Variants in MAN1A1 observed in about 807,000 individuals in gnomAD.
MAN1A1 encodes the protein mannosidase alpha class 1A member 1.
Under a neutral mutation model 70.8 loss-of-function variants are expected in MAN1A1, and 29 were observed. That is an observed-to-expected ratio of 0.41 (90% confidence interval 0.31 to 0.56). The LOEUF (loss-of-function observed/expected upper bound fraction) is 0.56. Among genes scored for constraint, MAN1A1 ranks in the 20% least tolerant of loss-of-function variants. The pLI is 0.29. For synonymous variants in MAN1A1, 349 were observed against 330.1 expected, an observed-to-expected ratio of 1.06 and a Z score of -0.62; for missense variants, 747 against 841.3, an observed-to-expected ratio of 0.89 and a Z score of 1.39.
intron 6 of MAN1A1, among the ~76,000 whole-genome samples, chr6:119,217,729 G>C (rs1393029656): frequency 6.6e-6 from 1 of 152,126 alleles, no homozygotes; most frequent in Non-Finnish European, 1.5e-5. Context: ...AGATGATAGA[G>C]AAAAATCTAA....
chr6:119,348,655 C>T lies in MAN1A1; in HGVS notation c.411G>A (p.Glu137=). The T allele has an allele frequency of 6.2e-7, 1 of 1,613,462 alleles. No individual in the cohort carries two copies. The highest frequency in any genetic ancestry group is 8.5e-7 in the Non-Finnish European group (1 of 1,179,732). ...NHERALREAK[E]TLQKLPEEIQ... is the part of the protein sequence containing the mutation. ...TCTCCTCGGGCAGCTTCTGCAGGGT[C>T]TCCTTGGCTTCCCTGAGAGCCCGCT... is the stretch of plus-strand genomic sequence containing the variant. Residue 137 remains glutamate (E), a synonymous_variant, in exon 2 of 13, where the codon GAG becomes GAA. Transcript: ENST00000368468.
Position 119,348,733 on chromosome 6 carries a change from C to A in MAN1A1, c.333G>T (p.Gly111=), listed in dbSNP as rs370650175. The change falls in exon 2 of 13, where the codon GGG becomes GGT. Residue 111 remains glycine (G), a synonymous_variant. Coordinates refer to ENST00000368468, the MANE Select transcript of MAN1A1 (RefSeq NM_005907.4). ...RARRREEGAP[G]DPEAALEDNL... ...TGTCCTCCAGGGCGGCCTCCGGGTC[C>A]CCGGGTGCCCCCTCCTCGCGGCGCC... 1 of 1,571,930 alleles carries A rather than the reference C, an allele frequency of 6.4e-7. No individual in the cohort carries two copies. The highest frequency in any genetic ancestry group is 2.5e-5 in the East Asian group (1 of 39,688).
chr6:119,228,544 T>A (rs1306068657), intron 6 of MAN1A1, among the ~76,000 whole-genome samples: 1 of 152,122 alleles, frequency 6.6e-6, no homozygotes, highest in Non-Finnish European at 1.5e-5. Flanking sequence ...GAAAAAGAAT[T>A]CTATGACTAT....
intron 6 of MAN1A1, among the ~76,000 whole-genome samples, chr6:119,208,081 T>C (rs1773933710): frequency 2.0e-5 from 3 of 152,146 alleles, no homozygotes; most frequent in South Asian, 2.1e-4. Context: ...GGAAAAGATA[T>C]TTAAATATTA....
chr6:119,302,308 T>C (rs1280244403), intron 3 of MAN1A1, among the ~76,000 whole-genome samples: 2 of 151,970 alleles, frequency 1.3e-5, no homozygotes, highest in African/African-American at 4.8e-5. Context: ...TACTAATCTT[T>C]AAAGTTTCTT....
chr6:119,250,767 C>G (rs1200534359), intron 5 of MAN1A1, among the ~76,000 whole-genome samples: 2 of 152,116 alleles, frequency 1.3e-5, no homozygotes, highest in East Asian at 3.9e-4. Flanking sequence ...TCAGTTCTCA[C>G]CACCTATTTG....
intron 6 of MAN1A1, among the ~76,000 whole-genome samples, chr6:119,225,866 T>C (rs1398893393): frequency 6.6e-6 from 1 of 152,210 alleles, no homozygotes; most frequent in African/African-American, 2.4e-5. Flanking sequence ...AAAAATGAGA[T>C]AATTTGTCAC....
chr6:119,207,227 T>C (rs1582696519), intron 6 of MAN1A1, among the ~76,000 whole-genome samples: 1 of 152,238 alleles, frequency 6.6e-6, no homozygotes, highest in African/African-American at 2.4e-5. Context: ...AGGAAAATGG[T>C]ACTCTTTTCT....
chr6:119,212,961 C>G (rs938702935), intron 6 of MAN1A1, among the ~76,000 whole-genome samples: 5 of 151,968 alleles, frequency 3.3e-5, no homozygotes, highest in African/African-American at 1.2e-4. Context: ...AGGAACCCAC[C>G]GGGAGAAAAT....
chr6:119,214,911 T>G (rs1774156345), intron 6 of MAN1A1, among the ~76,000 whole-genome samples: 1 of 150,028 alleles, frequency 6.7e-6, no homozygotes, highest in Non-Finnish European at 1.5e-5. Flanking sequence ...GGAAACTGTA[T>G]TTTTTAGAAA....
At chr6:119,286,772 T>G (rs1193479764) in intron 5 of MAN1A1, among the ~76,000 whole-genome samples, 1 of 152,166 alleles carries the variant, frequency 6.6e-6, no homozygotes, top group South Asian at 2.1e-4. Context: ...TTAAAAACTC[T>G]GGTCTATTCT....
intron 5 of MAN1A1, among the ~76,000 whole-genome samples, chr6:119,277,033 T>C (rs895334713): frequency 5.3e-5 from 8 of 152,200 alleles, no homozygotes; most frequent in African/African-American, 1.9e-4. Flanking sequence ...AATCTCTATT[T>C]GTACTACTTC....
intron 5 of MAN1A1, among the ~76,000 whole-genome samples, chr6:119,257,325 G>C (rs1188809446): frequency 1.3e-5 from 2 of 152,060 alleles, no homozygotes; most frequent in Non-Finnish European, 2.9e-5. Flanking sequence ...TTTAAAAGAT[G>C]GTTAAAAGAG....
intron 2 of MAN1A1, among the ~76,000 whole-genome samples, chr6:119,315,690 A>G (rs1772831847): frequency 1.3e-5 from 2 of 152,250 alleles, no homozygotes; most frequent in African/African-American, 4.8e-5. Context: ...CTCAAAAGTT[A>G]GAGGTCAGAA....
Position 119,261,037 on chromosome 6 carries a change from G to A in MAN1A1, c.898-12683C>T, listed in dbSNP as rs1326747851. 1.6e-4 allele frequency among the ~76,000 whole-genome samples: 23 copies of A among 143,270 alleles called. 1 individual carries two copies. Among genetic ancestry groups the A allele is most frequent in the Admixed American group, 2.1e-4 (3 of 13,976 alleles). The allele number at this position is 143,270 out of a possible 152,430, so 94.0% of individuals were successfully genotyped here. A position where few individuals can be genotyped will look rare whatever the true frequency, so the allele number is the denominator to read the frequency against. On this transcript the variant is annotated intron_variant, in intron 5 of 12. Transcript: ENST00000368468. ...TCTGTTGCCCAGGCTGGAGTGCAGT[G>A]GTGCGATCTCGGCTCACTGCAAGCT...
chr6:119,242,024 A>G, intron 6 of MAN1A1, among the ~76,000 whole-genome samples: 1 of 151,712 alleles, frequency 6.6e-6, no homozygotes, highest in East Asian at 1.9e-4. Flanking sequence ...GAGGCATGGG[A>G]AAGTTGAGAG....
At chr6:119,244,636 A>G (rs1028755751) in intron 6 of MAN1A1, among the ~76,000 whole-genome samples, 1 of 152,088 alleles carries the variant, frequency 6.6e-6, no homozygotes, top group Non-Finnish European at 1.5e-5. Flanking sequence ...CAGCTTGCAC[A>G]AATACTGAAA....
chr6:119,308,091 T>A (rs1029862856), intron 2 of MAN1A1, among the ~76,000 whole-genome samples: 1 of 152,216 alleles, frequency 6.6e-6, no homozygotes, highest in Admixed American at 6.6e-5. Context: ...TTTAGTATTG[T>A]AACCAATTCT....
At chr6:119,228,202 G>C (rs539503514) in intron 6 of MAN1A1, among the ~76,000 whole-genome samples, 1 of 152,266 alleles carries the variant, frequency 6.6e-6, no homozygotes, top group South Asian at 2.1e-4. Flanking sequence ...TTGTTCACCA[G>C]CATATTTATT....
Sources: allele counts gnomAD v4.1 joint callset (sites outside exome capture counted in the v4.1 genomes callset), GRCh38; gene constraint gnomAD v4.1.1; transcripts MANE v1.5; gene names NCBI Gene and HGNC (gene_info 2026-07-23, HGNC 2026-07-21).